UQCRH: variants seen among roughly 807,000 people sequenced by gnomAD.
The protein encoded by UQCRH is ubiquinol-cytochrome c reductase hinge protein.
A neutral mutation model predicts 16.3 loss-of-function variants in UQCRH; 14 were observed. That is an observed-to-expected ratio of 0.86 (90% confidence interval 0.57 to 1.34). The LOEUF (loss-of-function observed/expected upper bound fraction) is 1.34. Ranked by LOEUF, UQCRH falls within the 40% of genes most tolerant of loss-of-function variation. The pLI, the probability that UQCRH is intolerant of heterozygous loss-of-function variation, is 0.00. For missense variants in UQCRH, 89 were observed against 111.9 expected, an observed-to-expected ratio of 0.80 and a Z score of 0.92; for synonymous variants, 41 against 41.9, an observed-to-expected ratio of 0.98 and a Z score of 0.08.
At chr1:46,311,181 G>GA (rs1449330614) in intron 3 of UQCRH, among the ~76,000 whole-genome samples, 1 of 151,950 alleles carries the variant, frequency 6.6e-6, no homozygotes, top group Non-Finnish European at 1.5e-5. Flanking sequence ...GAGGCTCAGA[G>GA]AAAAAAACAT....
chr1:46,308,967 A>G (rs1245278719), intron 1 of UQCRH, 134 bp from the exon 2 acceptor site: 3 of 1,106,672 alleles, frequency 2.7e-6, no homozygotes, highest in African/African-American at 3.2e-5. Context: ...AAATGTAAAA[A>G]CATCATAAAA....
intron 2 of UQCRH, chr1:46,309,477 C>T: frequency 4.3e-6 from 1 of 233,206 alleles, no homozygotes; most frequent in African/African-American, 2.7e-5. Context: ...GGATTACCAG[C>T]CTGAACAACG....
intron 1 of UQCRH, among the ~76,000 whole-genome samples, chr1:46,304,241 T>C (rs1016548133): frequency 2.0e-5 from 3 of 152,140 alleles, no homozygotes; most frequent in Admixed American, 1.3e-4. Flanking sequence ...GTGTTCCTTT[T>C]CTTTGAGGAA....
intron 2 of UQCRH, chr1:46,309,907 G>A: frequency 7.1e-7 from 1 of 1,412,650 alleles, no homozygotes; most frequent in Non-Finnish European, 9.2e-7. Flanking sequence ...ATAGGACTGA[G>A]GCTTTCAGTG....
chr1:46,314,364 CA>C (rs59435183), intron 3 of UQCRH, among the ~76,000 whole-genome samples: 3,617 of 73,016 alleles, frequency 0.05, 52 homozygotes, highest in Non-Finnish European at 0.066. Context: ...GACTCCGTCT[CA>C]AAAAAAAAAA....
At chr1:46,310,071 G>T in intron 2 of UQCRH, 84 bp from the exon 3 acceptor site, 1 of 1,587,780 alleles carries the variant, frequency 6.3e-7, no homozygotes. Flanking sequence ...ACCTTGGTTT[G>T]GTGGTTGTGT....
intron 3 of UQCRH, among the ~76,000 whole-genome samples, chr1:46,311,928 C>CTT (rs544962011): frequency 4.6e-5 from 6 of 130,674 alleles, no homozygotes; most frequent in East Asian, 2.3e-4. Context: ...TGCACCCAGC[C>CTT]TTTTTTTTTT....
At chr1:46,314,550 G>A (rs1569698422) in intron 3 of UQCRH, among the ~76,000 whole-genome samples, 1 of 151,814 alleles carries the variant, frequency 6.6e-6, no homozygotes, top group South Asian at 2.1e-4. Flanking sequence ...ATATGCGCCT[G>A]TAATCCCAGC....
At chr1:46,314,673 CAA>C (rs200199978) in intron 3 of UQCRH, among the ~76,000 whole-genome samples, 104 of 59,048 alleles carry the variant, frequency 1.8e-3, no homozygotes, top group African/African-American at 4.7e-3. Context: ...AACTCCGTCT[CAA>C]AAAAAAAAAA....
At chr1:46,309,852 C>G (rs1484356861) in intron 2 of UQCRH, 2 of 1,326,408 alleles carry the variant, frequency 1.5e-6, no homozygotes, top group Middle Eastern at 3.0e-4. Context: ...TCCTATAGAT[C>G]TACTTCAAGT....
At chr1:46,305,935 A>G (rs1484492653) in intron 1 of UQCRH, among the ~76,000 whole-genome samples, 1 of 151,400 alleles carries the variant, frequency 6.6e-6, no homozygotes, top group Non-Finnish European at 1.5e-5. Flanking sequence ...CCTCCTGAGT[A>G]GCTGAAATTA....
chr1:46,309,624 TGC>T (rs1661431502), intron 2 of UQCRH: 1 of 184,908 alleles, frequency 5.4e-6, no homozygotes, highest in South Asian at 1.1e-4. Context: ...GAGCTGAGAT[TGC>T]GCCATTGCGC....
chr1:46,311,351 G>GGAAGCA (rs1041771458), intron 3 of UQCRH, among the ~76,000 whole-genome samples: 2 of 141,184 alleles, frequency 1.4e-5, no homozygotes, highest in African/African-American at 5.3e-5. Context: ...AGGCGGAGGC[G>GGAAGCA]GGCGGATCAC....
At chr1:46,309,196 G>A (rs1661425076) in intron 2 of UQCRH, 69 bp downstream of exon 2, 1 of 1,561,706 alleles carries the variant, frequency 6.4e-7, no homozygotes, top group Admixed American at 1.9e-5. Flanking sequence ...AATTCTAAGG[G>A]CATTTTAAGG....
intron 1 of UQCRH, among the ~76,000 whole-genome samples, chr1:46,306,114 A>G (rs1183068358): frequency 6.6e-6 from 1 of 152,026 alleles, no homozygotes; most frequent in Non-Finnish European, 1.5e-5. Flanking sequence ...ATTATTGAGG[A>G]TTAAATCTTT....
chr1:46,312,519 G>A (rs1661500622), intron 3 of UQCRH, among the ~76,000 whole-genome samples: 1 of 151,936 alleles, frequency 6.6e-6, no homozygotes, highest in Non-Finnish European at 1.5e-5. Context: ...CCAGAGTGTT[G>A]GGATTACAGG....
intron 3 of UQCRH, among the ~76,000 whole-genome samples, chr1:46,315,176 G>A (rs181067816): frequency 6.6e-6 from 1 of 152,238 alleles, no homozygotes; most frequent in African/African-American, 2.4e-5. Context: ...CAGGTGCGGT[G>A]GCTCACGCCT....
intron 1 of UQCRH, 101 bp downstream of exon 1, chr1:46,303,921 C>A: frequency 6.6e-7 from 1 of 1,509,890 alleles, no homozygotes; most frequent in African/African-American, 1.4e-5. Flanking sequence ...AGTTTACCCT[C>A]TAGGGTTTGC....
rs1056594349 is a variant in UQCRH, at chr1:46,312,993, G to A, written c.243+2677G>A. On this transcript the variant is annotated intron_variant, in intron 3 of 3. Transcript: ENST00000311672. ...AAGTTGGAAACCTCATACGCTGTCA[G>A]TAAAAGTGTAAATTGGTACAGCCAC... 2.0e-5 allele frequency among the ~76,000 whole-genome samples: 3 copies of A among 152,110 alleles called. No homozygotes were observed. The East Asian group carries it at 5.8e-4, about 29-fold the overall frequency.
Sources: allele counts gnomAD v4.1 joint callset (sites outside exome capture counted in the v4.1 genomes callset), GRCh38; gene constraint gnomAD v4.1.1; transcripts MANE v1.5; gene names NCBI Gene and HGNC (gene_info 2026-07-23, HGNC 2026-07-21).